Variants in AKAP7 observed in about 807,000 individuals in gnomAD.
The protein encoded by AKAP7 is A-kinase anchoring protein 7.
In AKAP7, 39 loss-of-function variants were observed where a neutral mutation model predicts 39.5. The ratio of observed to expected loss-of-function variants is 0.99; its 90% CI spans 0.76 to 1.29. The LOEUF (loss-of-function observed/expected upper bound fraction) is 1.29. AKAP7 is among the 50% of genes most tolerant of loss of function. The probability of loss-of-function intolerance (pLI) is 0.00; values close to 1 mark genes in which losing one functional copy is unlikely to be tolerated. For missense variants in AKAP7, 414 were observed against 407.7 expected (o/e 1.02, Z -0.13); for synonymous variants, 140 against 139.1 (o/e 1.01, Z -0.05).
At chr6:131,259,591 A>G (rs1813140261) in intron 7 of AKAP7, among the ~76,000 whole-genome samples, 1 of 152,220 alleles carries the variant, frequency 6.6e-6, no homozygotes, top group Non-Finnish European at 1.5e-5. Flanking sequence ...GTAAAGATAC[A>G]TTAAACCCAG....
At chr6:131,215,217 G>A (rs1379278384) in intron 6 of AKAP7, among the ~76,000 whole-genome samples, 1 of 152,172 alleles carries the variant, frequency 6.6e-6, no homozygotes, top group African/African-American at 2.4e-5. Context: ...CTGACAGGCA[G>A]TTGGTGGGGT....
At position 131,270,963 on chromosome 6, in the gene AKAP7, C is replaced by T. The variant is rs185879810; in HGVS notation, c.851-10567C>T. Among the ~76,000 whole-genome samples, 110 of 152,184 alleles carry T rather than the reference C, an allele frequency of 7.2e-4. 1 individual carries two copies. Among genetic ancestry groups the T allele is most frequent in the Admixed American group, 1.5e-3 (23 of 15,280 alleles). On this transcript the variant is annotated intron_variant, in intron 7 of 7. Transcript: ENST00000431975. The stretch of plus-strand genomic sequence containing the variant: ...GTAGTAAGAGTTCTTTTTGTTTTCT[C>T]GCTACAAGTTCTTTAATAGATAAAT...
intron 7 of AKAP7, among the ~76,000 whole-genome samples, chr6:131,239,633 T>C (rs1301919510): frequency 1.3e-5 from 2 of 152,192 alleles, no homozygotes; most frequent in Non-Finnish European, 2.9e-5. Flanking sequence ...TCTAAACTTC[T>C]CTTCTCGCTT....
chr6:131,188,477 T>C (rs1338328017), intron 5 of AKAP7, among the ~76,000 whole-genome samples: 1 of 152,026 alleles, frequency 6.6e-6, no homozygotes, highest in Non-Finnish European at 1.5e-5. Context: ...TATCTTGCAA[T>C]TGGAAGACAT....
intron 7 of AKAP7, among the ~76,000 whole-genome samples, chr6:131,247,449 C>T (rs1356117562): frequency 6.7e-6 from 1 of 150,308 alleles, no homozygotes; most frequent in African/African-American, 2.4e-5. Flanking sequence ...CCTCAGCCTC[C>T]CGAGTAGCTG....
chr6:131,196,554 G>A (rs111577839), intron 5 of AKAP7, among the ~76,000 whole-genome samples: 18,223 of 151,878 alleles, frequency 0.12, 1,312 homozygotes, highest in Non-Finnish European at 0.15. Flanking sequence ...ATGAGACACC[G>A]TGCTCAGCCT....
intron 5 of AKAP7, among the ~76,000 whole-genome samples, chr6:131,176,783 C>T (rs191878776): frequency 1.3e-5 from 2 of 152,192 alleles, no homozygotes; most frequent in African/African-American, 4.8e-5. Context: ...CTAGGGTGCT[C>T]TATTACTACA....
intron 7 of AKAP7, among the ~76,000 whole-genome samples, chr6:131,253,753 T>G (rs1221618183): frequency 2.0e-5 from 3 of 152,162 alleles, no homozygotes; most frequent in Non-Finnish European, 2.9e-5. Context: ...CTGGCTTATT[T>G]CACTTCCTGT....
At chr6:131,240,255 C>T (rs1435912336) in intron 7 of AKAP7, among the ~76,000 whole-genome samples, 2 of 152,190 alleles carry the variant, frequency 1.3e-5, no homozygotes, top group South Asian at 2.1e-4. Flanking sequence ...GCTGTGTGAT[C>T]GTTCCTCTGG....
chr6:131,222,329 T>A (rs988464930), intron 7 of AKAP7, among the ~76,000 whole-genome samples: 1 of 152,050 alleles, frequency 6.6e-6, no homozygotes, highest in Non-Finnish European at 1.5e-5. Flanking sequence ...ATCGAGACCA[T>A]CCTGGCTAAC....
chr6:131,245,632 G>A (rs1157452784), intron 7 of AKAP7, among the ~76,000 whole-genome samples: 1 of 151,942 alleles, frequency 6.6e-6, no homozygotes, highest in East Asian at 1.9e-4. Context: ...ATGTTTCCAC[G>A]AATTGTCAAG....
chr6:131,208,183 A>G (rs1808311152), intron 6 of AKAP7, among the ~76,000 whole-genome samples: 1 of 152,228 alleles, frequency 6.6e-6, no homozygotes, highest in African/African-American at 2.4e-5. Flanking sequence ...ATTTATAACA[A>G]GTGCCTTCAC....
intron 6 of AKAP7, among the ~76,000 whole-genome samples, chr6:131,212,783 G>A (rs1375644604): frequency 6.6e-6 from 1 of 152,128 alleles, no homozygotes; most frequent in Non-Finnish European, 1.5e-5. Context: ...AAAGTGAGAA[G>A]GAAGAATGTT....
intron 5 of AKAP7, among the ~76,000 whole-genome samples, chr6:131,172,638 T>C (rs182452145): frequency 5.3e-4 from 80 of 152,278 alleles, no homozygotes; most frequent in African/African-American, 1.9e-3. Flanking sequence ...CCTCCTTTCT[T>C]TTTCTATTTG....
Position 131,174,913 on chromosome 6 carries a change from C to T in AKAP7, c.589+5640C>T, listed in dbSNP as rs371580872. ...CAATGTGGGGATTGGTGCCCAGAAC[C>T]CTGCGTAGTCAGAATTCCCCATGTA... On this transcript the variant is annotated intron_variant, in intron 5 of 7. Transcript: ENST00000431975. Among the ~76,000 whole-genome samples, 217 of 100,324 alleles carry T rather than the reference C, an allele frequency of 2.2e-3. 4 individuals carry two copies. In the South Asian group the frequency reaches 0.05, roughly 23 times the overall value. 65.8% of individuals were successfully genotyped at this position (100,324 alleles called of 152,430 possible).
chr6:131,212,900 CTTAT>C (rs1387389223), intron 6 of AKAP7, among the ~76,000 whole-genome samples: 1 of 152,084 alleles, frequency 6.6e-6, no homozygotes, highest in Non-Finnish European at 1.5e-5. Context: ...TTAGGTCTTT[CTTAT>C]TTAAAGTTAC....
chr6:131,129,906 G>A, the AKAP7 span, among the ~76,000 whole-genome samples: 1 of 152,196 alleles, frequency 6.6e-6, no homozygotes, highest in Non-Finnish European at 1.5e-5. Context: ...TGGGGACCAA[G>A]GAACATCCTA....
intron 7 of AKAP7, among the ~76,000 whole-genome samples, chr6:131,237,119 T>C (rs1240642882): frequency 6.6e-6 from 1 of 151,996 alleles, no homozygotes; most frequent in Admixed American, 6.6e-5. Flanking sequence ...GCATGAAGGG[T>C]TGTTGAATTT....
intron 6 of AKAP7, among the ~76,000 whole-genome samples, chr6:131,217,638 T>A (rs1809305111): frequency 6.6e-6 from 1 of 152,220 alleles, no homozygotes; most frequent in African/African-American, 2.4e-5. Context: ...TAAAGACTCA[T>A]GTTGGAAATC....
Sources: gnomAD v4.1 joint callset for allele counts (sites outside exome capture counted in the v4.1 genomes callset) on GRCh38, gnomAD v4.1.1 for gene constraint, MANE v1.5 for transcripts, NCBI Gene and HGNC (gene_info 2026-07-23, HGNC 2026-07-21) for gene names.